RASA2: variants seen among roughly 807,000 people sequenced by gnomAD.
RASA2 encodes ras GTPase-activating protein 2.
A neutral mutation model predicts 118.2 loss-of-function variants in RASA2; 155 were observed. That is an observed-to-expected ratio of 1.31 (90% CI 1.15 to 1.50). RASA2 has a LOEUF of 1.50. Ranked by LOEUF, RASA2 falls within the 40% of genes most tolerant of loss-of-function variation. The pLI is 0.00. For synonymous variants in RASA2, 353 were observed against 349.1 expected, an observed-to-expected ratio of 1.01 and a Z score of -0.12; for missense variants, 1,016 against 1,009.6, an observed-to-expected ratio of 1.01 and a Z score of -0.09.
chr3:141,552,189 A>G (rs2082585319), intron 5 of RASA2, among the ~76,000 whole-genome samples: 1 of 152,114 alleles, frequency 6.6e-6, no homozygotes, highest in Admixed American at 6.6e-5. Flanking sequence ...GTTTTTTATA[A>G]GTCAGTACTG....
chr3:141,591,838 C>CA (rs1224540195), intron 19 of RASA2, among the ~76,000 whole-genome samples: 1 of 150,922 alleles, frequency 6.6e-6, no homozygotes, highest in Non-Finnish European at 1.5e-5. Context: ...CTGAAGTTGA[C>CA]ACGGTTTTCA....
chr3:141,606,753 A>C (rs2083555860), intron 19 of RASA2, among the ~76,000 whole-genome samples: 1 of 152,136 alleles, frequency 6.6e-6, no homozygotes, highest in Non-Finnish European at 1.5e-5. Flanking sequence ...TTTATTAACC[A>C]AATAGTTTTC....
At chr3:141,515,898 CAAAAA>C (rs35995449) in intron 2 of RASA2, among the ~76,000 whole-genome samples, 1 of 102,656 alleles carries the variant, frequency 9.7e-6, no homozygotes, top group African/African-American at 3.7e-5. Flanking sequence ...GACTCTGTCT[CAAAAA>C]AAAAAAAAAA....
At chr3:141,579,403 A>T (rs911288704) in intron 15 of RASA2, 1 of 152,212 alleles carries the variant, frequency 6.6e-6, no homozygotes, top group Non-Finnish European at 1.5e-5. Flanking sequence ...CCGTTTAGTC[A>T]ATTTTATATG....
At chr3:141,494,555 G>A (rs2081677108) in intron 1 of RASA2, among the ~76,000 whole-genome samples, 1 of 152,144 alleles carries the variant, frequency 6.6e-6, no homozygotes, top group Non-Finnish European at 1.5e-5. Context: ...TTTTGGTAGA[G>A]ACGGGGTTTC....
chr3:141,541,996 A>C (rs982688774), intron 5 of RASA2, among the ~76,000 whole-genome samples: 3 of 152,012 alleles, frequency 2.0e-5, no homozygotes, highest in Non-Finnish European at 4.4e-5. Context: ...GTCATTTGAA[A>C]TATAGTTAGT....
chr3:141,580,282 A>C, intron 15 of RASA2, 86 bp from the exon 16 acceptor site: 1 of 996,268 alleles, frequency 1.0e-6, no homozygotes, highest in Non-Finnish European at 1.5e-6. Flanking sequence ...TTTTACAGCA[A>C]TGTAGTCCAT....
In RASA2 at chr3:141,580,378, CAATT is replaced by C. The variant is rs777336102; in HGVS notation, c.1603_1606del (p.Ile535GlufsTer3). 2 of 1,605,288 alleles carry C rather than the reference CAATT, an allele frequency of 1.2e-6. No homozygotes were observed. Among genetic ancestry groups the C allele is most frequent in the Non-Finnish European group, 8.5e-7 (1 of 1,173,860 alleles). On this transcript the variant is annotated frameshift_variant, in exon 16 of 24. Coordinates refer to ENST00000286364, the MANE Select transcript of RASA2 (RefSeq NM_006506.5). LOFTEE classifies it high-confidence loss of function. ...TTTTACATTCTTTAGGATGCACAGA[CAATT>C]AGAACATTAACTCTCATCTCAAAAA...
chr3:141,539,740 A>G (rs889928244), intron 4 of RASA2, among the ~76,000 whole-genome samples: 7 of 152,210 alleles, frequency 4.6e-5, no homozygotes, highest in Non-Finnish European at 1.0e-4. Context: ...GCGGCAGGTT[A>G]GAAATATCAA....
chr3:141,607,489 T>G (rs1431597733), intron 19 of RASA2, among the ~76,000 whole-genome samples, 189 bp from the exon 20 acceptor site: 7 of 152,168 alleles, frequency 4.6e-5, no homozygotes, highest in Non-Finnish European at 8.8e-5. Flanking sequence ...GTGGTCACTT[T>G]AGAAGACAAT....
At chr3:141,553,528 A>G (rs770021309) in intron 5 of RASA2, among the ~76,000 whole-genome samples, 2 of 152,146 alleles carry the variant, frequency 1.3e-5, no homozygotes, top group Non-Finnish European at 2.9e-5. Flanking sequence ...TCCTTGGAGC[A>G]TCATGTCAGT....
At chr3:141,599,801 G>T (rs2083436487) in intron 19 of RASA2, among the ~76,000 whole-genome samples, 1 of 150,698 alleles carries the variant, frequency 6.6e-6, no homozygotes. Context: ...CTACTAAAAA[G>T]GAATACATTA....
At chr3:141,498,660 G>C (rs549526711) in intron 1 of RASA2, among the ~76,000 whole-genome samples, 4 of 151,884 alleles carry the variant, frequency 2.6e-5, no homozygotes, top group South Asian at 2.1e-4. Flanking sequence ...TTTTGTGGAG[G>C]GGGGGCGAAG....
At chr3:141,529,392 A>G (rs1181553595) in intron 3 of RASA2, among the ~76,000 whole-genome samples, 1 of 152,054 alleles carries the variant, frequency 6.6e-6, no homozygotes, top group Non-Finnish European at 1.5e-5. Flanking sequence ...GCTTTTTATA[A>G]TGAGTGTACT....
intron 1 of RASA2, among the ~76,000 whole-genome samples, chr3:141,501,860 T>C (rs542896729): frequency 4.0e-5 from 6 of 148,618 alleles, no homozygotes; most frequent in Middle Eastern, 3.4e-3. Context: ...TTTCTCACTC[T>C]TTTTTTTTTG....
At chr3:141,548,047 A>T (rs945166032) in intron 5 of RASA2, among the ~76,000 whole-genome samples, 1 of 152,132 alleles carries the variant, frequency 6.6e-6, no homozygotes, top group African/African-American at 2.4e-5. Flanking sequence ...CTTGGTCATG[A>T]TGAATGATCT....
chr3:141,554,816 CG>C (rs373304468), intron 6 of RASA2, among the ~76,000 whole-genome samples: 84 of 152,170 alleles, frequency 5.5e-4, no homozygotes, highest in Admixed American at 2.0e-3. Context: ...GATACTCAGT[CG>C]TATGACATTA....
rs936167538 is a variant in RASA2, at chr3:141,538,132, A to C, written c.451-2401A>C. On this transcript the variant is annotated intron_variant, in intron 4 of 23. Coordinates refer to ENST00000286364, the MANE Select transcript of RASA2 (RefSeq NM_006506.5). The stretch of plus-strand genomic sequence containing the variant: ...ACACACACACACACACACACACACA[A>C]ACTTGTTTTGCTGCAATTCAAATCT... Among the ~76,000 whole-genome samples, 159 of 140,224 alleles carry C rather than the reference A, an allele frequency of 1.1e-3. 1 individual carries two copies. Among genetic ancestry groups the C allele is most frequent in the Middle Eastern group, 3.5e-3 (1 of 284 alleles). The allele number at this position is 140,224 out of a possible 152,430, so 92.0% of individuals were successfully genotyped here.
At chr3:141,548,745 A>G (rs76932705) in intron 5 of RASA2, among the ~76,000 whole-genome samples, 40 of 152,166 alleles carry the variant, frequency 2.6e-4, no homozygotes, top group African/African-American at 9.2e-4. Flanking sequence ...CCACTACAAC[A>G]TTTTTTGAAC....
Sources: gnomAD v4.1 joint callset for allele counts (sites outside exome capture counted in the v4.1 genomes callset) on GRCh38, gnomAD v4.1.1 for gene constraint, MANE v1.5 for transcripts, NCBI Gene and HGNC (gene_info 2026-07-23, HGNC 2026-07-21) for gene names.